The following ANO8 variants were observed in gnomAD, a reference collection of about 807,000 sequenced individuals.
ANO8 encodes anoctamin-8.
ANO8 carries 67 observed loss-of-function variants against 120.4 expected under a neutral mutation model. The observed-to-expected ratio is 0.56, with a 90% CI of 0.46 to 0.68. ANO8 has a LOEUF of 0.68. ANO8 is among the 30% of genes least tolerant of loss of function. The pLI, the probability that ANO8 is intolerant of heterozygous loss-of-function variation, is 0.00. For missense variants in ANO8, 1,526 were observed against 1,737.6 expected (o/e 0.88, Z 2.16); for synonymous variants, 727 against 759.2 (o/e 0.96, Z 0.70).
At chr19:17,329,891 C>G in intron 11 of ANO8, 60 bp from the exon 12 acceptor site, 1 of 1,613,756 alleles carries the variant, frequency 6.2e-7, no homozygotes, top group Non-Finnish European at 8.5e-7. Flanking sequence ...TTGGAGCCTT[C>G]CTTGTGCCCC....
Position 17,327,225 on chromosome 19 carries a change from GC to G in ANO8, c.2661+9del, listed in dbSNP as rs1453127536. ...CAATGAGAAAACCGAGCCCAGCCTG[GC>G]CCCCCTACCTTAAAGGCCTCGCGGC... On this transcript the variant is annotated intron_variant, in intron 16 of 17. Transcript: ENST00000159087. The G allele has an allele frequency of 1.3e-6, 2 of 1,521,590 alleles. No individual in the cohort carries two copies. The highest frequency in any genetic ancestry group is 1.8e-6 in the Non-Finnish European group (2 of 1,128,812). 94.3% of individuals were successfully genotyped at this position (1,521,590 alleles called of 1,614,324 possible).
At position 17,327,682 on chromosome 19, in the gene ANO8, C is replaced by A; in HGVS notation, c.2418+7G>T. 6.2e-7 allele frequency: 1 copy of A among 1,611,744 alleles called. No individual in the cohort carries two copies. On this transcript the variant is annotated splice_region_variant and intron_variant, in intron 14 of 17. Coordinates refer to ENST00000159087, the MANE Select transcript of ANO8 (RefSeq NM_020959.3). The stretch of plus-strand genomic sequence containing the variant: ...GCCTCAGCTCGGATCTCTTGGCTTC[C>A]CCCCACCTGCCACTGGCCGATGCTT...
In ANO8 at chr19:17,328,492, G is replaced by A; in HGVS notation, c.1896C>T (p.Ser632=). 6.4e-7 allele frequency: 1 copy of A among 1,558,654 alleles called. No homozygotes were observed. Among genetic ancestry groups the A allele is most frequent in the Non-Finnish European group, 8.7e-7 (1 of 1,155,020 alleles). Residue 632 remains serine, a synonymous_variant, in exon 13 of 18, where the codon AGC becomes AGT. Transcript: ENST00000159087. Reference sequence around the variant, plus strand: ...TCCCTTCCTCCAGGAGGGCCTCCGGGCTTGGGCCGGGCCGACGCCGCCCCG... The same window carrying A: ...TCCCTTCCTCCAGGAGGGCCTCCGGACTTGGGCCGGGCCGACGCCGCCCCG... ...RGAGRRRPGP[S]PEALLEEGSP...
intron 8 of ANO8, 42 bp from the exon 9 acceptor site, chr19:17,330,546 G>A: frequency 6.8e-7 from 1 of 1,472,838 alleles, no homozygotes; most frequent in Non-Finnish European, 9.0e-7. Flanking sequence ...AGCTCAGAGG[G>A]GCCACCTCTG....
Position 17,328,315 on chromosome 19 carries a change from G to T in ANO8, c.2073C>A (p.Pro691=). The change falls in exon 13 of 18, where the codon CCC becomes CCA. Residue 691 remains proline (P), a synonymous_variant. Coordinates refer to ENST00000159087, the MANE Select transcript of ANO8 (RefSeq NM_020959.3). ...CGGGTTCCGGGTCCGGGCCCCCGTC[G>T]GGCCCCTGGTCTCGGCCCTCGCCCC... is the stretch of plus-strand genomic sequence containing the variant. ...RAGGEGRDQG[P]DGGPDPEPGS... is the part of the protein sequence containing the mutation. 1 of 1,597,492 alleles carries T rather than the reference G, an allele frequency of 6.3e-7. No homozygotes were observed. Among genetic ancestry groups the T allele is most frequent in the Non-Finnish European group, 8.5e-7 (1 of 1,174,256 alleles).
rs1473456600 is a variant in ANO8, at chr19:17,325,216, C to T, written c.2832G>A (p.Glu944=). 2 of 1,612,042 alleles carry T rather than the reference C, an allele frequency of 1.2e-6. No homozygotes were observed. The highest frequency in any genetic ancestry group is 2.7e-5 in the African/African-American group (2 of 74,944). The change falls in exon 17 of 18, where the codon GAG becomes GAA. Residue 944 remains glutamate, a synonymous_variant. Transcript: ENST00000159087. ...GSGLDPATSS[E]KASAKAKGST... is the part of the protein sequence containing the mutation. ...TGCCCTTGGCCTTGGCAGAGGCCTT[C>T]TCGGAGGAGGTGGCAGGGTCCAGCC...
At chr19:17,329,544 G>T in intron 12 of ANO8, 1 of 596,392 alleles carries the variant, frequency 1.7e-6, no homozygotes, top group Non-Finnish European at 3.0e-6. Context: ...AGCAGGAGCT[G>T]TGAAGGGACC....
At chr19:17,324,696 C>G in intron 17 of ANO8, 21 bp downstream of exon 17, 1 of 1,515,954 alleles carries the variant, frequency 6.6e-7, no homozygotes, top group Non-Finnish European at 8.8e-7. Context: ...GCGTCCCCAC[C>G]CCCGAGTTAA....
chr19:17,328,448 T>C lies in ANO8; in HGVS notation c.1940A>G (p.Lys647Arg). 6.5e-7 allele frequency: 1 copy of C among 1,544,850 alleles called. No homozygotes were observed. The highest frequency in any genetic ancestry group is 2.4e-5 in the East Asian group (1 of 41,318). The change falls in exon 13 of 18, where the codon AAG (lysine) becomes AGG (arginine). Residue 647 changes from lysine to arginine, a missense_variant. Lys to Arg is a conservative substitution (Grantham distance 26, BLOSUM62 2). Around this residue, in one of 8 missense-constraint regions of ANO8, gnomAD observed 467 missense variants for 425.8 expected, o/e 1.10. Transcript: ENST00000159087. Reference sequence around the variant, plus strand: ...GGTGAACACTCCCGGCTCCAGCCCCTTCTCCACCATAGTGGGGCTCCCTTC... The same window carrying C: ...GGTGAACACTCCCGGCTCCAGCCCCCTCTCCACCATAGTGGGGCTCCCTTC... ...LEEGSPTMVE[K>R]GLEPGVFTLA...
intron 5 of ANO8, 101 bp downstream of exon 5, chr19:17,332,829 C>A: frequency 7.5e-7 from 1 of 1,330,686 alleles, no homozygotes. Flanking sequence ...CAACCCCTGA[C>A]TGGTTGGATC....
chr19:17,333,374 G>A lies in ANO8; in HGVS notation c.350+48C>T, dbSNP rs2074334253. 1 of 1,612,626 alleles carries A rather than the reference G, an allele frequency of 6.2e-7. No homozygotes were observed. Among genetic ancestry groups the A allele is most frequent in the African/African-American group, 1.3e-5 (1 of 74,940 alleles). On this transcript the variant is annotated intron_variant, in intron 3 of 17. Coordinates refer to ENST00000159087, the MANE Select transcript of ANO8 (RefSeq NM_020959.3). The surrounding 1 kb of genome is among the most constrained non-coding windows in gnomAD (Gnocchi z 7.2). ...AGCATGGTTGGCACTTGGTAGAGCG[G>A]GGAGTCGGGTGGCAGGCTCAGCGAG...
rs1180597277 is a variant in ANO8, at chr19:17,325,017, C to A, written c.3031G>T (p.Ala1011Ser). ...GAGATTRPPP[A>S]QSPTGSDTRL... ...GTGTCGCTGCCTGTGGGTGACTGGG[C>A]AGGGGGAGGCCGGGTGGTGGCTCCG... Residue 1011 changes from alanine (A) to serine (S), a missense_variant, in exon 17 of 18, where the codon GCC becomes TCC. Coordinates refer to ENST00000159087, the MANE Select transcript of ANO8 (RefSeq NM_020959.3). 1 of 1,612,952 alleles carries A rather than the reference C, an allele frequency of 6.2e-7. No individual in the cohort carries two copies. The highest frequency in any genetic ancestry group is 1.1e-5 in the South Asian group (1 of 91,058).
At position 17,334,800 on chromosome 19, in the gene ANO8, G is replaced by T; in HGVS notation, c.-130C>A. On this transcript the variant is annotated 5_prime_UTR_variant, in exon 1 of 18. Transcript: ENST00000159087. Reference sequence around the variant, plus strand: ...GGCCGCGCCCGCCCGCGCCGGCCTCGGTCCTCGCTCGCCCGAGCGCTGCTT... The same window carrying T: ...GGCCGCGCCCGCCCGCGCCGGCCTCTGTCCTCGCTCGCCCGAGCGCTGCTT... 1.7e-6 allele frequency: 2 copies of T among 1,172,842 alleles called. No homozygotes were observed. Among genetic ancestry groups the T allele is most frequent in the South Asian group, 1.8e-5 (1 of 54,810 alleles). The allele number at this position is 1,172,842 out of a possible 1,614,324, so 72.7% of individuals were successfully genotyped here. A position where few individuals can be genotyped will look rare whatever the true frequency, so the allele number is the denominator to read the frequency against.
Position 17,333,179 on chromosome 19 carries a change from C to CA in ANO8, c.410_411insT (p.Thr139HisfsTer13). On this transcript the variant is annotated frameshift_variant, in exon 4 of 18. Transcript: ENST00000159087. LOFTEE classifies it high-confidence loss of function. This position sits in a 1 kb window ranked among gnomAD's most constrained non-coding sequence, Gnocchi z 7.2. ...CCTCGCAGGAGAAGCCGCGGGTGCC[C>CA]CCGCCAAACTCGGCCTTCACTGCTT... 1 of 1,610,432 alleles carries CA rather than the reference C, an allele frequency of 6.2e-7. No individual in the cohort carries two copies. The highest frequency in any genetic ancestry group is 8.5e-7 in the Non-Finnish European group (1 of 1,178,386).
intron 5 of ANO8, 71 bp downstream of exon 5, chr19:17,332,859 C>A: frequency 6.4e-7 from 1 of 1,571,886 alleles, no homozygotes; most frequent in South Asian, 1.1e-5. Context: ...CCCTCCTGCT[C>A]CTATAAGCTG....
Position 17,323,723 on chromosome 19 carries a change from G to A in ANO8, c.3493C>T (p.Arg1165Cys), listed in dbSNP as rs1247405495. 15 of 1,209,066 alleles carry A rather than the reference G, an allele frequency of 1.2e-5. No individual in the cohort carries two copies. Among genetic ancestry groups the A allele is most frequent in the Non-Finnish European group, 1.5e-5 (15 of 972,436 alleles). The allele number at this position is 1,209,066 out of a possible 1,614,324, so 74.9% of individuals were successfully genotyped here. ...CACTCGGCAGCGGCCAGGGCCTGGC[G>A]GGGGGCGGCACCCTCGCCCCCGCAG... The part of the protein sequence containing the change: ...WGCGGEGAAP[R>C]QALAAAECPP... Residue 1165 changes from arginine to cysteine, a missense_variant, in exon 18 of 18, where the codon CGC becomes TGC. By Grantham distance (180) the Arg-to-Cys change is radical. Coordinates refer to ENST00000159087, the MANE Select transcript of ANO8 (RefSeq NM_020959.3).
At position 17,333,853 on chromosome 19, in the gene ANO8, G is replaced by T; in HGVS notation, c.107-53C>A. The T allele has an allele frequency of 6.8e-7, 1 of 1,478,806 alleles. No individual in the cohort carries two copies. Among genetic ancestry groups the T allele is most frequent in the Non-Finnish European group, 9.2e-7 (1 of 1,083,290 alleles). 91.6% of individuals were successfully genotyped at this position (1,478,806 alleles called of 1,614,324 possible). ...CAGGCCACTCTGGGATCCGGACCCG[G>T]CCTCCAGTCTTGGCTCCTCCTGCCC... On this transcript the variant is annotated intron_variant, in intron 1 of 17. Transcript: ENST00000159087. The surrounding 1 kb of genome is among the most constrained non-coding windows in gnomAD (Gnocchi z 7.2).
At position 17,330,228 on chromosome 19, in the gene ANO8, C is replaced by A. The variant is rs750094190; in HGVS notation, c.1170G>T (p.Gly390=). 4 of 1,614,028 alleles carry A rather than the reference C, an allele frequency of 2.5e-6. No individual in the cohort carries two copies. Among genetic ancestry groups the A allele is most frequent in the Middle Eastern group, 1.6e-4 (1 of 6,062 alleles). The change falls in exon 10 of 18, where the codon GGG becomes GGT. Residue 390 remains glycine (G), a synonymous_variant. Transcript: ENST00000159087. Reference sequence around the variant, plus strand: ...GCAGGAATCGGGCGAGACGGGGCAACCCCTTCACGCTCAGCACCAGCTCCT... The same window carrying A: ...GCAGGAATCGGGCGAGACGGGGCAAACCCTTCACGCTCAGCACCAGCTCCT... ...QLQELVLSVK[G]LPRLARFLPK...
chr19:17,323,530 C>T lies in ANO8; in HGVS notation c.3686G>A (p.Ser1229Asn), dbSNP rs757700130. 3 of 1,283,404 alleles carry T rather than the reference C, an allele frequency of 2.3e-6. No individual in the cohort carries two copies. The highest frequency in any genetic ancestry group is 6.4e-5 in the South Asian group (2 of 31,226). The allele number at this position is 1,283,404 out of a possible 1,614,324, so 79.5% of individuals were successfully genotyped here. A position where few individuals can be genotyped will look rare whatever the true frequency, so the allele number is the denominator to read the frequency against. ...SPSPQAVCWP[S>N]GWH ...GGGCGGGTAGAGCTAATGCCAGCCG[C>T]TGGGCCAGCACACGGCCTGGGGGCT... is the stretch of plus-strand genomic sequence containing the variant. The change falls in exon 18 of 18, where the codon AGC becomes AAC. Residue 1229 changes from serine to asparagine, a missense_variant. Ser to Asn is a conservative substitution (Grantham distance 46). Around this residue, in one of 8 missense-constraint regions of ANO8, gnomAD observed 489 missense variants for 548.6 expected, o/e 0.89. Coordinates refer to ENST00000159087, the MANE Select transcript of ANO8 (RefSeq NM_020959.3).
Sources: allele counts gnomAD v4.1 joint callset, GRCh38; gene constraint gnomAD v4.1.1; regional missense constraint gnomAD v4.1.1; non-coding constraint Gnocchi (gnomAD v3.1); transcripts MANE v1.5; gene names NCBI Gene and HGNC (gene_info 2026-07-23, HGNC 2026-07-21).